Variants in BICC1 observed in about 807,000 individuals in gnomAD.
BICC1 encodes BicC family RNA binding protein 1.
Under a neutral mutation model 111.0 loss-of-function variants are expected in BICC1, and 43 were observed. The ratio of observed to expected loss-of-function variants is 0.39; its 90% CI spans 0.30 to 0.50. The LOEUF is 0.50. BICC1 is among the 20% of genes least tolerant of loss of function. The probability of loss-of-function intolerance (pLI) is 0.88; values close to 1 mark genes in which losing one functional copy is unlikely to be tolerated. For synonymous variants in BICC1, 467 were observed against 434.4 expected (o/e 1.07, Z -0.93); for missense variants, 1,091 against 1,203.2 (o/e 0.91, Z 1.38).
chr10:58,534,620 G>A (rs1268077429), intron 1 of BICC1, among the ~76,000 whole-genome samples: 2 of 151,412 alleles, frequency 1.3e-5, no homozygotes, highest in Non-Finnish European at 3.0e-5. Context: ...CAAAAATAAT[G>A]AGAAGAAATA....
At chr10:58,734,904 C>G (rs902772678) in intron 3 of BICC1, among the ~76,000 whole-genome samples, 5 of 152,146 alleles carry the variant, frequency 3.3e-5, no homozygotes, top group African/African-American at 9.7e-5. Flanking sequence ...ATTTCCACAT[C>G]TGCAAGCAAA....
intron 1 of BICC1, among the ~76,000 whole-genome samples, chr10:58,531,719 A>T (rs1479517534): frequency 6.6e-6 from 1 of 151,876 alleles, no homozygotes; most frequent in Non-Finnish European, 1.5e-5. Flanking sequence ...GAAACTGTAA[A>T]GATCCAAACA....
chr10:58,760,594 G>A (rs1161156726), intron 3 of BICC1, among the ~76,000 whole-genome samples: 1 of 152,036 alleles, frequency 6.6e-6, no homozygotes, highest in Non-Finnish European at 1.5e-5. Flanking sequence ...TACCATTAAA[G>A]AATAATTTTC....
chr10:58,672,896 T>C lies in BICC1; in HGVS notation c.238-29178T>C, dbSNP rs373946275. Among the ~76,000 whole-genome samples, 7 of 152,342 alleles carry C rather than the reference T, an allele frequency of 4.6e-5. No homozygotes were observed. The South Asian group carries it at 8.3e-4, about 18-fold the overall frequency. ...GTTTGGAAAGTTTAGTGGTTTTTAA[T>C]TGGATCCTCTTTAAATGTTGAGAAG... On this transcript the variant is annotated intron_variant, in intron 2 of 20. Coordinates refer to ENST00000373886, the MANE Select transcript of BICC1 (RefSeq NM_001080512.3).
intron 2 of BICC1, among the ~76,000 whole-genome samples, chr10:58,673,847 T>A (rs950324759): frequency 6.7e-6 from 1 of 150,290 alleles, no homozygotes; most frequent in Admixed American, 6.7e-5. Flanking sequence ...GCTAGGCTGG[T>A]CTCGAACTCT....
intron 3 of BICC1, chr10:58,715,625 G>A (rs1840716425): frequency 6.2e-7 from 1 of 1,605,770 alleles, no homozygotes; most frequent in Non-Finnish European, 8.5e-7. Context: ...GTCCAATCCA[G>A]TCTTCAGGGC....
chr10:58,784,690 A>T (rs372430775), intron 3 of BICC1, among the ~76,000 whole-genome samples: 1 of 9,828 alleles, frequency 1.0e-4, no homozygotes, highest in Non-Finnish European at 3.2e-4. Context: ...TCCAATTTAT[A>T]AAAAAAAATT....
At position 58,831,340 on chromosome 10, in the gene BICC1, A is replaced by AGAT. The variant is rs758257603; in HGVS notation, c.*2451_*2453dup. On this transcript the variant is annotated 3_prime_UTR_variant, in exon 21 of 21. Coordinates refer to ENST00000373886, the MANE Select transcript of BICC1 (RefSeq NM_001080512.3). ...TTAGTGATTTTTTTCCAAAAACGAG[A>AGAT]GATGGAATTAACATTGAAAATGGGA... 1.3e-5 allele frequency: 2 copies of AGAT among 152,118 alleles called. No individual in the cohort carries two copies. The highest frequency in any genetic ancestry group is 4.8e-5 in the African/African-American group (2 of 41,432). The allele number at this position is 152,118 out of a possible 1,614,324, so 9.4% of individuals were successfully genotyped here.
At chr10:58,538,578 G>A (rs910193580) in intron 1 of BICC1, among the ~76,000 whole-genome samples, 56 of 151,862 alleles carry the variant, frequency 3.7e-4, no homozygotes, top group African/African-American at 1.4e-3. Context: ...GACATCAAAA[G>A]CAAATGCAGC....
chr10:58,554,423 A>C (rs1658446), intron 1 of BICC1, among the ~76,000 whole-genome samples: 69,885 of 151,968 alleles, frequency 0.46, 17,120 homozygotes, highest in Admixed American at 0.62. Flanking sequence ...TAGTTATGTA[A>C]TTTTTATAAA....
At chr10:58,788,267 T>G (rs1431187125) in intron 5 of BICC1, 103 bp from the exon 6 acceptor site, 1 of 820,508 alleles carries the variant, frequency 1.2e-6, no homozygotes, top group Admixed American at 2.2e-5. Context: ...CCTCTGTATT[T>G]GTCCCTGGAT....
intron 1 of BICC1, among the ~76,000 whole-genome samples, chr10:58,571,681 A>G (rs1843956647): frequency 6.6e-6 from 1 of 152,028 alleles, no homozygotes; most frequent in Non-Finnish European, 1.5e-5. Context: ...ATTCCTTTTT[A>G]TGGCTGCATA....
intron 2 of BICC1, among the ~76,000 whole-genome samples, chr10:58,624,535 G>GTA (rs1409982421): frequency 6.6e-6 from 1 of 152,048 alleles, no homozygotes; most frequent in Non-Finnish European, 1.5e-5. Context: ...TCTACAATGA[G>GTA]TATATAATTG....
chr10:58,635,945 T>C (rs1347822908), intron 2 of BICC1, among the ~76,000 whole-genome samples: 1 of 152,244 alleles, frequency 6.6e-6, no homozygotes, highest in Non-Finnish European at 1.5e-5. Flanking sequence ...CTTTATATGT[T>C]AAACTTACAT....
At chr10:58,526,122 A>T (rs1411778144) in intron 1 of BICC1, among the ~76,000 whole-genome samples, 1 of 151,806 alleles carries the variant, frequency 6.6e-6, no homozygotes, top group Non-Finnish European at 1.5e-5. Flanking sequence ...GTCTTTGGTG[A>T]TTTATGCCTG....
chr10:58,551,609 A>G (rs1310672917), intron 1 of BICC1, among the ~76,000 whole-genome samples: 1 of 152,156 alleles, frequency 6.6e-6, no homozygotes, highest in Non-Finnish European at 1.5e-5. Flanking sequence ...TGTCTGTGTG[A>G]AATTTTGTAT....
chr10:58,693,643 G>T (rs1327627963), intron 2 of BICC1, among the ~76,000 whole-genome samples: 2 of 151,820 alleles, frequency 1.3e-5, no homozygotes, highest in African/African-American at 2.4e-5. Context: ...GTGTCTTTTG[G>T]CTGCATAAAT....
chr10:58,728,704 AAATAAT>A (rs3076358), intron 3 of BICC1, among the ~76,000 whole-genome samples: 19 of 150,344 alleles, frequency 1.3e-4, no homozygotes, highest in African/African-American at 4.6e-4. Flanking sequence ...TGTATTTCTT[AAATAAT>A]AATAATAATA....
intron 2 of BICC1, among the ~76,000 whole-genome samples, chr10:58,698,633 G>A (rs1040853077): frequency 2.6e-5 from 4 of 152,130 alleles, no homozygotes; most frequent in Admixed American, 6.6e-5. Flanking sequence ...TGCAAGGTAG[G>A]AATTATCTTG....
Sources: allele counts gnomAD v4.1 joint callset (sites outside exome capture counted in the v4.1 genomes callset), GRCh38; gene constraint gnomAD v4.1.1; transcripts MANE v1.5; gene names NCBI Gene and HGNC (gene_info 2026-07-23, HGNC 2026-07-21).